The following EYS variants were observed in gnomAD, a reference collection of about 807,000 sequenced individuals.
EYS encodes the protein protein eyes shut homolog.
In EYS, 250 loss-of-function variants were observed where a neutral mutation model predicts 282.1. The observed-to-expected ratio is 0.89, with a 90% CI of 0.80 to 0.98. The LOEUF is 0.98. Ranked by LOEUF, EYS falls within the 50% of genes least tolerant of loss-of-function variation. The pLI is 0.00. For missense variants in EYS, 4,016 were observed against 3,709.0 expected, an observed-to-expected ratio of 1.08 and a Z score of -2.15; for synonymous variants, 1,355 against 1,282.9, an observed-to-expected ratio of 1.06 and a Z score of -1.20.
At chr6:65,089,199 G>T (rs899299629) in intron 12 of EYS, among the ~76,000 whole-genome samples, 16 of 152,132 alleles carry the variant, frequency 1.1e-4, no homozygotes, top group Non-Finnish European at 1.6e-4. Context: ...TGACAACAGG[G>T]CAATTATCCT....
At chr6:64,024,110 GAGGAGTGC>G (rs1160387506) in intron 33 of EYS, among the ~76,000 whole-genome samples, 1 of 152,232 alleles carries the variant, frequency 6.6e-6, no homozygotes, top group Non-Finnish European at 1.5e-5. Flanking sequence ...CCCAAGGGCT[GAGGAGTGC>G]AGGCGCAGGG....
At chr6:65,206,567 A>G (rs542121016) in intron 12 of EYS, among the ~76,000 whole-genome samples, 49 of 151,828 alleles carry the variant, frequency 3.2e-4, no homozygotes, top group African/African-American at 1.2e-3. Context: ...AAATCATGCA[A>G]TGACAACACC....
chr6:64,011,721 A>T lies in EYS; in HGVS notation c.6726-12538T>A, dbSNP rs192386078. 8.1e-4 allele frequency among the ~76,000 whole-genome samples: 124 copies of T among 152,194 alleles called. 1 individual carries two copies. Among genetic ancestry groups the T allele is most frequent in the Non-Finnish European group, 1.5e-3 (103 of 68,008 alleles). Reference sequence around the variant, plus strand: ...AAACCATAATGAAATTAAATGCTTTAAAGCAGTATCTCATTGCTGGGCTGA... The same window carrying T: ...AAACCATAATGAAATTAAATGCTTTTAAGCAGTATCTCATTGCTGGGCTGA... On this transcript the variant is annotated intron_variant, in intron 33 of 42. Coordinates refer to ENST00000503581, the MANE Select transcript of EYS (RefSeq NM_001142800.2).
intron 33 of EYS, among the ~76,000 whole-genome samples, chr6:64,032,343 G>T (rs952305252): frequency 6.6e-6 from 1 of 152,124 alleles, no homozygotes; most frequent in African/African-American, 2.4e-5. Context: ...TATCTTACAT[G>T]GTTTTGATTT....
chr6:63,842,820 C>T (rs972145472), intron 36 of EYS, among the ~76,000 whole-genome samples: 24 of 152,180 alleles, frequency 1.6e-4, no homozygotes, highest in African/African-American at 5.1e-4. Context: ...CAGTTTTCTG[C>T]ATATGACTAG....
intron 31 of EYS, among the ~76,000 whole-genome samples, chr6:64,104,437 G>A (rs1191351925): frequency 3.9e-5 from 6 of 152,220 alleles, no homozygotes; most frequent in African/African-American, 1.2e-4. Context: ...TGTTTAGCAA[G>A]GATGGACCCA....
At chr6:64,094,072 T>C (rs1052227277) in intron 31 of EYS, among the ~76,000 whole-genome samples, 2 of 152,228 alleles carry the variant, frequency 1.3e-5, no homozygotes, top group Non-Finnish European at 2.9e-5. Context: ...GATTTGCGTA[T>C]GTGGAACCAG....
chr6:65,290,936 GA>G (rs913614927), intron 12 of EYS, among the ~76,000 whole-genome samples: 27 of 150,882 alleles, frequency 1.8e-4, no homozygotes, highest in African/African-American at 6.0e-4. Flanking sequence ...AATTCAGGAA[GA>G]AAAAAAATGG....
chr6:65,582,765 C>T (rs140314914), intron 2 of EYS, among the ~76,000 whole-genome samples: 37 of 152,220 alleles, frequency 2.4e-4, no homozygotes, highest in African/African-American at 8.4e-4. Context: ...TGGAATACTC[C>T]TGTACAAACA....
At chr6:65,224,240 G>C (rs1446271280) in intron 12 of EYS, among the ~76,000 whole-genome samples, 1 of 152,062 alleles carries the variant, frequency 6.6e-6, no homozygotes. Flanking sequence ...AATGAAATAA[G>C]TATAGATAAA....
rs998158354 is a variant in EYS at position 64,886,728 on chromosome 6, T to C, written c.2961A>G (p.Gly987=). ...DEENCVYRTD[G]YNCLCAPGYT... is the part of the protein sequence containing the mutation. ...AACCAGGGGCACAGAGGCAGTTGTA[T>C]CCATCAGTCCTGTAGACACAATTTT... Residue 987 remains glycine, a synonymous_variant, in exon 19 of 43, where the codon GGA becomes GGG. Transcript: ENST00000503581. 3.6e-5 allele frequency: 55 copies of C among 1,546,300 alleles called. No individual in the cohort carries two copies. Among genetic ancestry groups the C allele is most frequent in the Non-Finnish European group, 4.8e-5 (55 of 1,144,316 alleles).
At chr6:65,533,354 C>CA (rs1562244629) in intron 2 of EYS, among the ~76,000 whole-genome samples, 3 of 151,530 alleles carry the variant, frequency 2.0e-5, no homozygotes, top group Middle Eastern at 3.4e-3. Flanking sequence ...GCCTACCAAC[C>CA]AAAAAAAAGT....
At chr6:64,088,555 AT>A (rs1256659438) in intron 31 of EYS, among the ~76,000 whole-genome samples, 4 of 152,038 alleles carry the variant, frequency 2.6e-5, no homozygotes, top group African/African-American at 9.7e-5. Flanking sequence ...ATTAAAAAAA[AT>A]CTCAAATTGG....
At chr6:64,335,872 A>G (rs1474383146) in intron 29 of EYS, among the ~76,000 whole-genome samples, 1 of 152,146 alleles carries the variant, frequency 6.6e-6, no homozygotes, top group African/African-American at 2.4e-5. Context: ...GTATCCAGCA[A>G]AACTAAGTAT....
chr6:64,086,104 C>T (rs1772149154), intron 31 of EYS, among the ~76,000 whole-genome samples: 2 of 152,254 alleles, frequency 1.3e-5, no homozygotes, highest in Non-Finnish European at 2.9e-5. Flanking sequence ...TGTCTTGAGT[C>T]CTCTAATCAT....
At chr6:64,741,852 GA>G in intron 22 of EYS, among the ~76,000 whole-genome samples, 1 of 152,306 alleles carries the variant, frequency 6.6e-6, no homozygotes, top group East Asian at 1.9e-4. Flanking sequence ...TTTGGCTAAA[GA>G]GAATGTCATA....
chr6:65,273,309 A>G (rs1012853141), intron 12 of EYS, among the ~76,000 whole-genome samples: 5 of 152,208 alleles, frequency 3.3e-5, no homozygotes, highest in Admixed American at 3.3e-4. Context: ...TCTTTCCACC[A>G]GCATTCCACA....
intron 12 of EYS, among the ~76,000 whole-genome samples, chr6:65,259,731 G>A (rs1767567650): frequency 6.6e-6 from 1 of 151,928 alleles, no homozygotes; most frequent in Admixed American, 6.6e-5. Context: ...GACCTAACTC[G>A]ACATATCTTT....
At chr6:65,120,971 G>A (rs1775530967) in intron 12 of EYS, among the ~76,000 whole-genome samples, 1 of 152,172 alleles carries the variant, frequency 6.6e-6, no homozygotes, top group East Asian at 1.9e-4. Context: ...CCGTTCTGCT[G>A]CACCATCCTA....
Sources: gnomAD v4.1 joint callset for allele counts (sites outside exome capture counted in the v4.1 genomes callset) on GRCh38, gnomAD v4.1.1 for gene constraint, MANE v1.5 for transcripts, NCBI Gene and HGNC (gene_info 2026-07-23, HGNC 2026-07-21) for gene names.